The following HS3ST4 variants were observed in gnomAD, a reference collection of about 807,000 sequenced individuals.
The protein encoded by HS3ST4 is heparan sulfate glucosamine 3-O-sulfotransferase 4.
In HS3ST4, 17 loss-of-function variants were observed where a neutral mutation model predicts 29.2. That is an observed-to-expected ratio of 0.58 (90% CI 0.40 to 0.87). The LOEUF (loss-of-function observed/expected upper bound fraction) is 0.87, where lower values mean the gene tolerates loss of function less well. HS3ST4 is among the 40% of genes least tolerant of loss of function. The pLI, the probability that HS3ST4 is intolerant of heterozygous loss-of-function variation, is 0.00. For missense variants in HS3ST4, 627 were observed against 634.5 expected (o/e 0.99, Z 0.13); for synonymous variants, 314 against 285.7 (o/e 1.10, Z -1.00).
chr16:25,936,031 A>G (rs970495068), intron 1 of HS3ST4, among the ~76,000 whole-genome samples: 1 of 152,174 alleles, frequency 6.6e-6, no homozygotes, highest in South Asian at 2.1e-4. Context: ...CTTGGCCTCC[A>G]AAAGTGCTGG....
chr16:26,118,752 G>A (rs760403347), intron 1 of HS3ST4, among the ~76,000 whole-genome samples: 3 of 152,098 alleles, frequency 2.0e-5, no homozygotes, highest in Admixed American at 6.5e-5. Flanking sequence ...CAAATGCCAG[G>A]TCCCTGCAGG....
At chr16:26,047,083 T>G (rs1322383511) in intron 1 of HS3ST4, among the ~76,000 whole-genome samples, 2 of 152,264 alleles carry the variant, frequency 1.3e-5, no homozygotes, top group African/African-American at 2.4e-5. Flanking sequence ...TAATACATGA[T>G]TGCTGTGTTC....
chr16:25,823,339 G>A, intron 1 of HS3ST4, among the ~76,000 whole-genome samples: 1 of 152,108 alleles, frequency 6.6e-6, no homozygotes, highest in East Asian at 1.9e-4. Context: ...AGAAAGACTT[G>A]TTTCTCTCTG....
At chr16:25,957,117 C>G (rs1009965179) in intron 1 of HS3ST4, among the ~76,000 whole-genome samples, 3 of 151,502 alleles carry the variant, frequency 2.0e-5, no homozygotes, top group African/African-American at 4.9e-5. Context: ...GTGGTGAAGG[C>G]AGGAAGAGGC....
At chr16:25,741,448 A>AGTTATGTAT in intron 1 of HS3ST4, among the ~76,000 whole-genome samples, 1 of 151,102 alleles carries the variant, frequency 6.6e-6, no homozygotes. Flanking sequence ...ATAACTGTAC[A>AGTTATGTAT]AAGTACTTTG....
intron 1 of HS3ST4, among the ~76,000 whole-genome samples, chr16:26,115,084 A>G (rs1899183268): frequency 6.6e-6 from 1 of 152,172 alleles, no homozygotes; most frequent in Non-Finnish European, 1.5e-5. Flanking sequence ...CTCAAGAAGT[A>G]TCGTTGAGTA....
At chr16:26,094,146 C>A (rs1346908046) in intron 1 of HS3ST4, among the ~76,000 whole-genome samples, 1 of 152,074 alleles carries the variant, frequency 6.6e-6, no homozygotes, top group African/African-American at 2.4e-5. Context: ...GATTGGTGTA[C>A]CTGAAAGTGA....
rs190739616 is a variant in HS3ST4 at position 25,789,443 on chromosome 16, C to T, written c.734+96292C>T. On this transcript the variant is annotated intron_variant, in intron 1 of 1. Coordinates refer to ENST00000331351, the MANE Select transcript of HS3ST4 (RefSeq NM_006040.3). ...CCTTCCTTCCTTCCTTCCTTCCTTC[C>T]TTCCTTCCTTCCTTCCTTCCTTCCT... 6.7e-4 allele frequency among the ~76,000 whole-genome samples: 33 copies of T among 49,256 alleles called. 2 individuals are homozygous for T. The highest frequency in any genetic ancestry group is 1.4e-3 in the African/African-American group (15 of 10,558). The allele number at this position is 49,256 out of a possible 152,430, so 32.3% of individuals were successfully genotyped here.
At chr16:25,964,991 G>T (rs1968829134) in intron 1 of HS3ST4, among the ~76,000 whole-genome samples, 1 of 151,912 alleles carries the variant, frequency 6.6e-6, no homozygotes, top group Non-Finnish European at 1.5e-5. Flanking sequence ...CAATAGGCTG[G>T]GCACTAGGTA....
At chr16:25,883,194 C>A (rs1435567769) in intron 1 of HS3ST4, among the ~76,000 whole-genome samples, 2 of 146,234 alleles carry the variant, frequency 1.4e-5, no homozygotes, top group African/African-American at 2.5e-5. Flanking sequence ...TCTCACAGAT[C>A]AATGAGCATA....
chr16:26,113,965 T>A (rs1298555035), intron 1 of HS3ST4, among the ~76,000 whole-genome samples: 1 of 152,212 alleles, frequency 6.6e-6, no homozygotes, highest in Non-Finnish European at 1.5e-5. Flanking sequence ...TATATATGTA[T>A]GTATTCCAGG....
chr16:26,119,605 A>G (rs1453142788), intron 1 of HS3ST4, among the ~76,000 whole-genome samples: 2 of 152,044 alleles, frequency 1.3e-5, no homozygotes, highest in Non-Finnish European at 2.9e-5. Flanking sequence ...GTGTGTTAGG[A>G]AATCTATTGG....
At chr16:25,859,245 T>C (rs1411222892) in intron 1 of HS3ST4, among the ~76,000 whole-genome samples, 1 of 152,110 alleles carries the variant, frequency 6.6e-6, no homozygotes, top group African/African-American at 2.4e-5. Context: ...TCTTGGAAAA[T>C]TTCTGAAGCA....
chr16:26,105,788 C>A lies in HS3ST4; in HGVS notation c.735-29824C>A, dbSNP rs560002872. ...GGGCTTGCTTTCTTACTTCTGCATC[C>A]CTGTTCAGATGTTACCTCTAACCTG... is the stretch of plus-strand genomic sequence containing the variant. On this transcript the variant is annotated intron_variant, in intron 1 of 1. Coordinates refer to ENST00000331351, the MANE Select transcript of HS3ST4 (RefSeq NM_006040.3). Among the ~76,000 whole-genome samples the A allele has an allele frequency of 1.1e-3, 165 of 152,362 alleles. 1 individual carries two copies. In the South Asian group the frequency reaches 0.033, roughly 31 times the overall value.
chr16:26,013,489 GT>G (rs1209421108), intron 1 of HS3ST4, among the ~76,000 whole-genome samples: 5 of 152,128 alleles, frequency 3.3e-5, no homozygotes, highest in African/African-American at 1.2e-4. Context: ...TCCTAGGGAT[GT>G]TTTCCAAAAA....
intron 1 of HS3ST4, among the ~76,000 whole-genome samples, chr16:25,988,973 G>A (rs551550318): frequency 6.6e-6 from 1 of 152,256 alleles, no homozygotes; most frequent in African/African-American, 2.4e-5. Context: ...GAGTTTAACT[G>A]AGCAAAGAAC....
chr16:25,754,837 C>A (rs1966746222), intron 1 of HS3ST4, among the ~76,000 whole-genome samples: 1 of 151,906 alleles, frequency 6.6e-6, no homozygotes, highest in South Asian at 2.1e-4. Flanking sequence ...GGGACATAAC[C>A]AAACCATATC....
chr16:25,878,984 G>A (rs4441276), intron 1 of HS3ST4, among the ~76,000 whole-genome samples: 112,910 of 152,026 alleles, frequency 0.74, 42,470 homozygotes, highest in African/African-American at 0.86. Flanking sequence ...AGTTTCCTAT[G>A]CCTCTTTCTC....
At position 25,719,449 on chromosome 16, in the gene HS3ST4, G is replaced by T. The variant is rs901097150; in HGVS notation, c.734+26298G>T. Among the ~76,000 whole-genome samples the T allele has an allele frequency of 1.4e-4, 22 of 152,220 alleles. 1 individual carries two copies. Among genetic ancestry groups the T allele is most frequent in the Non-Finnish European group, 3.2e-4 (22 of 68,034 alleles). On this transcript the variant is annotated intron_variant, in intron 1 of 1. Coordinates refer to ENST00000331351, the MANE Select transcript of HS3ST4 (RefSeq NM_006040.3). ...GAATACTTTTGGCTGTAAGCAAGAG[G>T]AAACTTAATGAACAGTGACTTAGGA...
Sources: allele counts gnomAD v4.1 joint callset (sites outside exome capture counted in the v4.1 genomes callset), GRCh38; gene constraint gnomAD v4.1.1; transcripts MANE v1.5; gene names NCBI Gene and HGNC (gene_info 2026-07-23, HGNC 2026-07-21).